The following RGPD8 variants were observed in gnomAD, a reference collection of about 807,000 sequenced individuals.
RGPD8 encodes the protein RANBP2 like and GRIP domain containing 8.
Under a neutral mutation model 89.1 loss-of-function variants are expected in RGPD8, and 15 were observed. That is an observed-to-expected ratio of 0.17 (90% CI 0.11 to 0.26). RGPD8 has a LOEUF of 0.26. RGPD8 is among the 10% of genes least tolerant of loss of function. The pLI, the probability that RGPD8 is intolerant of heterozygous loss-of-function variation, is 1.00. For missense variants in RGPD8, 178 were observed against 1,179.6 expected (o/e 0.15, Z 12.44); for synonymous variants, 62 against 420.9 (o/e 0.15, Z 10.44).
intron 2 of RGPD8, among the ~76,000 whole-genome samples, chr2:112,423,761 G>T (rs950755465): frequency 6.6e-6 from 1 of 151,434 alleles, no homozygotes; most frequent in African/African-American, 2.4e-5. Flanking sequence ...TCCACTCCCA[G>T]CCAGGAAATC....
intron 6 of RGPD8, among the ~76,000 whole-genome samples, chr2:112,415,339 C>T (rs1397699422): frequency 1.3e-5 from 2 of 152,094 alleles, no homozygotes; most frequent in African/African-American, 4.8e-5. Flanking sequence ...TAACAAAGGG[C>T]CCATGAGGCC....
In RGPD8 at chr2:112,389,924, G is replaced by T; in HGVS notation, c.3021C>A (p.Tyr1007Ter). 6.7e-7 allele frequency: 1 copy of T among 1,488,490 alleles called. No homozygotes were observed. Among genetic ancestry groups the T allele is most frequent in the Non-Finnish European group, 9.1e-7 (1 of 1,104,438 alleles). The allele number at this position is 1,488,490 out of a possible 1,614,324, so 92.2% of individuals were successfully genotyped here. A position where few individuals can be genotyped will look rare whatever the true frequency, so the allele number is the denominator to read the frequency against. The change falls in exon 20 of 23, where the codon TAC becomes TAA. Residue 1007 changes from tyrosine (Y) to a stop codon, truncating the protein, a stop_gained. Coordinates refer to ENST00000302558, the MANE Select transcript of RGPD8 (RefSeq NM_001164463.1). LOFTEE classifies it high-confidence loss of function. ...GAGEKLFSSR[Y>*]GKMANKANTS... is the part of the protein sequence containing the mutation. The stretch of plus-strand genomic sequence containing the variant: ...TGTTTGCTTTATTGGCCATTTTACC[G>T]TATCGTGATGAGAATAATTTTTCTC...
chr2:112,374,832 T>C (rs1481827939), intron 22 of RGPD8, among the ~76,000 whole-genome samples: 1 of 142,720 alleles, frequency 7.0e-6, no homozygotes, highest in Non-Finnish European at 1.5e-5. Flanking sequence ...GTGTAATTTC[T>C]TTTGAACCAT....
At chr2:112,413,700 C>G (rs1301015551) in intron 6 of RGPD8, among the ~76,000 whole-genome samples, 2 of 128,768 alleles carry the variant, frequency 1.6e-5, no homozygotes, top group Non-Finnish European at 3.3e-5. Context: ...GTAGAGCTGA[C>G]TTTTTTTGTT....
At chr2:112,422,793 G>A in intron 2 of RGPD8, 134 bp from the exon 3 acceptor site, 1 of 540,572 alleles carries the variant, frequency 1.8e-6, no homozygotes, top group East Asian at 3.1e-5. Flanking sequence ...CACTATTTAT[G>A]CAGATAACTC....
rs1233069730 is a variant in RGPD8 at position 112,379,588 on chromosome 2, A to G, written c.5061+1236T>C. Among the ~76,000 whole-genome samples, 173 of 121,378 alleles carry G rather than the reference A, an allele frequency of 1.4e-3. 2 individuals carry two copies. The highest frequency in any genetic ancestry group is 2.5e-3 in the Non-Finnish European group (135 of 53,314). 79.6% of individuals were successfully genotyped at this position (121,378 alleles called of 152,430 possible). A position where few individuals can be genotyped will look rare whatever the true frequency, so the allele number is the denominator to read the frequency against. ...CCAAACCTGGTGACAGAGCGAGACT[A>G]TCTCAAAAAAAAAAAACAAGAAAAT... On this transcript the variant is annotated intron_variant, in intron 21 of 22. Transcript: ENST00000302558.
chr2:112,379,509 C>T (rs1175436766), intron 21 of RGPD8, among the ~76,000 whole-genome samples: 2 of 149,706 alleles, frequency 1.3e-5, no homozygotes, highest in Non-Finnish European at 3.0e-5. Context: ...GCAGGGGAAT[C>T]GCTTGAACCT....
At chr2:112,426,695 C>CA (rs1461706232) in intron 1 of RGPD8, among the ~76,000 whole-genome samples, 2 of 151,480 alleles carry the variant, frequency 1.3e-5, no homozygotes, top group Non-Finnish European at 2.9e-5. Flanking sequence ...GCCAGGCTAA[C>CA]ACCTGCAATC....
chr2:112,390,100 G>A lies in RGPD8; in HGVS notation c.2845C>T (p.Gln949Ter), dbSNP rs572623209. 2.8e-4 allele frequency: 456 copies of A among 1,603,334 alleles called. 16 individuals are homozygous for A. Among genetic ancestry groups the A allele is most frequent in the Non-Finnish European group, 1.5e-4 (171 of 1,175,594 alleles). Reference protein sequence around the residue: ...PLENDTGLQAQDIRGRKKGRG... With the variant: ...PLENDTGLQA ...CCCTTCTTCCGGCCCCTAATATCCT[G>A]AGCCTGTAAGCCAGTATCATTTTCA... is the stretch of plus-strand genomic sequence containing the variant. Residue 949 changes from glutamine (Q) to a stop codon, truncating the protein, a stop_gained, in exon 20 of 23, where the codon CAG becomes TAG. Transcript: ENST00000302558. LOFTEE classifies it high-confidence loss of function.
intron 1 of RGPD8, among the ~76,000 whole-genome samples, chr2:112,428,534 G>C (rs571360359): frequency 0.027 from 3,298 of 123,540 alleles, 48 homozygotes; most frequent in African/African-American, 0.089. Flanking sequence ...TAAATGAAGA[G>C]GACATGAGAT....
intron 1 of RGPD8, among the ~76,000 whole-genome samples, chr2:112,425,878 T>A (rs1414114531): frequency 6.6e-6 from 1 of 152,084 alleles, no homozygotes; most frequent in Non-Finnish European, 1.5e-5. Context: ...TCCAAAACGA[T>A]GAATAGTACC....
intron 4 of RGPD8, among the ~76,000 whole-genome samples, chr2:112,419,116 ACCT>A (rs1451928581): frequency 0.017 from 13 of 772 alleles, no homozygotes; most frequent in East Asian, 0.042. Flanking sequence ...GACACTTCAC[ACCT>A]CCTCCTATTT....
chr2:112,423,618 C>G (rs971592525), intron 2 of RGPD8, among the ~76,000 whole-genome samples: 18 of 140,894 alleles, frequency 1.3e-4, no homozygotes, highest in South Asian at 2.4e-4. Context: ...GTGGGAAGAT[C>G]GCTTGAGCCC....
chr2:112,427,699 G>C (rs1326832326), intron 1 of RGPD8, among the ~76,000 whole-genome samples: 1 of 152,066 alleles, frequency 6.6e-6, no homozygotes, highest in African/African-American at 2.4e-5. Context: ...CGCCCATCTT[G>C]CACAGTCAAA....
At chr2:112,415,341 C>G (rs1679351651) in intron 6 of RGPD8, among the ~76,000 whole-genome samples, 1 of 152,084 alleles carries the variant, frequency 6.6e-6, no homozygotes, top group African/African-American at 2.4e-5. Flanking sequence ...ACAAAGGGCC[C>G]ATGAGGCCTG....
chr2:112,372,013 T>TC (rs1459183176), intron 22 of RGPD8, among the ~76,000 whole-genome samples: 1 of 86,302 alleles, frequency 1.2e-5, no homozygotes, highest in Non-Finnish European at 2.2e-5. Context: ...TTTCTGTGGG[T>TC]CAGGAGATCA....
At chr2:112,413,107 G>A (rs1388294688) in intron 6 of RGPD8, among the ~76,000 whole-genome samples, 10 of 132,188 alleles carry the variant, frequency 7.6e-5, no homozygotes, top group South Asian at 2.3e-4. Flanking sequence ...TCATTACAGC[G>A]TTAAATAAAT....
intron 22 of RGPD8, among the ~76,000 whole-genome samples, chr2:112,372,842 T>G: frequency 1.3e-5 from 1 of 79,590 alleles, no homozygotes; most frequent in South Asian, 4.7e-4. Context: ...TGAGTATGCA[T>G]TCTCTTCCTG....
At chr2:112,433,330 C>A in intron 1 of RGPD8, 52 bp downstream of exon 1, 1 of 1,373,924 alleles carries the variant, frequency 7.3e-7, no homozygotes, top group Non-Finnish European at 9.7e-7. Context: ...CGGGTCGAGG[C>A]CGCCGCCGCC....
Sources: gnomAD v4.1 joint callset for allele counts (sites outside exome capture counted in the v4.1 genomes callset) on GRCh38, gnomAD v4.1.1 for gene constraint, MANE v1.5 for transcripts, NCBI Gene and HGNC (gene_info 2026-07-23, HGNC 2026-07-21) for gene names.